The following CCDC85A variants were observed in gnomAD, a reference collection of about 807,000 sequenced individuals.
CCDC85A encodes coiled-coil domain containing 85A, also known as coiled-coil domain-containing protein 85A.
A neutral mutation model predicts 50.2 loss-of-function variants in CCDC85A; 38 were observed. That is an observed-to-expected ratio of 0.76 (90% CI 0.58 to 0.99). The LOEUF (loss-of-function observed/expected upper bound fraction) is 0.99. Among genes scored for constraint, CCDC85A ranks in the 50% least tolerant of loss-of-function variants. CCDC85A has a pLI of 0.00. For synonymous variants in CCDC85A, 366 were observed against 301.4 expected, an observed-to-expected ratio of 1.21 and a Z score of -2.22; for missense variants, 820 against 742.0, an observed-to-expected ratio of 1.11 and a Z score of -1.22.
chr2:56,272,879 A>G (rs1474389704), intron 2 of CCDC85A, among the ~76,000 whole-genome samples: 1 of 152,198 alleles, frequency 6.6e-6, no homozygotes, highest in African/African-American at 2.4e-5. Flanking sequence ...AGGCAGGCCA[A>G]TATTACAAGG....
At chr2:56,246,907 T>C (rs1462242036) in intron 2 of CCDC85A, among the ~76,000 whole-genome samples, 1 of 152,226 alleles carries the variant, frequency 6.6e-6, no homozygotes, top group African/African-American at 2.4e-5. Flanking sequence ...AAAATATATT[T>C]ATTTTGAGAA....
intron 2 of CCDC85A, among the ~76,000 whole-genome samples, chr2:56,210,179 T>A (rs1677126191): frequency 6.6e-6 from 1 of 152,110 alleles, no homozygotes; most frequent in South Asian, 2.1e-4. Flanking sequence ...TCTGCCTCCA[T>A]GTAATCTATG....
chr2:56,305,661 C>T (rs1672409972), intron 2 of CCDC85A, among the ~76,000 whole-genome samples: 2 of 152,228 alleles, frequency 1.3e-5, no homozygotes, highest in Non-Finnish European at 1.5e-5. Flanking sequence ...AGTTTCATTA[C>T]AGGCAGAATC....
At chr2:56,341,477 A>G (rs1674368313) in intron 2 of CCDC85A, among the ~76,000 whole-genome samples, 1 of 152,138 alleles carries the variant, frequency 6.6e-6, no homozygotes, top group Admixed American at 6.5e-5. Flanking sequence ...TGCTCTGGAG[A>G]AAGTCTATTG....
intron 2 of CCDC85A, among the ~76,000 whole-genome samples, chr2:56,194,858 G>GCCCCCA (rs1466873951): frequency 1.5e-4 from 22 of 151,298 alleles, no homozygotes; most frequent in Non-Finnish European, 2.7e-4. Flanking sequence ...TGGAGATGCT[G>GCCCCCA]CCCCCACCCC....
intron 2 of CCDC85A, among the ~76,000 whole-genome samples, chr2:56,300,166 C>T (rs1001460402): frequency 2.6e-5 from 4 of 151,526 alleles, no homozygotes; most frequent in African/African-American, 9.7e-5. Context: ...TATCAATGCA[C>T]CTTAGACACT....
intron 2 of CCDC85A, among the ~76,000 whole-genome samples, chr2:56,238,870 C>G (rs987948126): frequency 1.3e-5 from 2 of 152,044 alleles, no homozygotes; most frequent in African/African-American, 4.8e-5. Context: ...CATGTATAAC[C>G]TTAGTTATAT....
chr2:56,329,130 T>G (rs976450841), intron 2 of CCDC85A, among the ~76,000 whole-genome samples: 7 of 152,192 alleles, frequency 4.6e-5, no homozygotes, highest in Admixed American at 1.3e-4. Flanking sequence ...TCACTTCACT[T>G]TGAGCATTTC....
At chr2:56,246,177 G>C (rs12994087) in intron 2 of CCDC85A, among the ~76,000 whole-genome samples, 22,347 of 152,118 alleles carry the variant, frequency 0.15, 2,013 homozygotes, top group East Asian at 0.28. Flanking sequence ...ACCTGCCTCA[G>C]CCTCCCAAAG....
chr2:56,245,742 G>C (rs1010875408), intron 2 of CCDC85A, among the ~76,000 whole-genome samples: 7 of 152,232 alleles, frequency 4.6e-5, no homozygotes, highest in Non-Finnish European at 1.0e-4. Context: ...GGGTCTCTAA[G>C]AGGTGAGACC....
intron 2 of CCDC85A, among the ~76,000 whole-genome samples, chr2:56,229,734 G>GT (rs959110244): frequency 1.5e-4 from 23 of 152,128 alleles, no homozygotes; most frequent in East Asian, 3.9e-4. Flanking sequence ...ATGTCTAGAT[G>GT]TTTTTTTCTG....
At chr2:56,276,459 G>T (rs1398419070) in intron 2 of CCDC85A, among the ~76,000 whole-genome samples, 1 of 152,072 alleles carries the variant, frequency 6.6e-6, no homozygotes, top group Non-Finnish European at 1.5e-5. Flanking sequence ...CTGGTGGGAG[G>T]TGATTGAATT....
chr2:56,316,729 A>G (rs1264706010), intron 2 of CCDC85A, among the ~76,000 whole-genome samples: 1 of 152,098 alleles, frequency 6.6e-6, no homozygotes. Flanking sequence ...TTATTTTTGT[A>G]CAGACACATA....
intron 2 of CCDC85A, among the ~76,000 whole-genome samples, chr2:56,276,572 CT>C (rs1670956192): frequency 6.6e-6 from 1 of 152,146 alleles, no homozygotes; most frequent in Non-Finnish European, 1.5e-5. Context: ...CTCTCATTCT[CT>C]CTCTTGCCGC....
In CCDC85A at chr2:56,325,867, C is replaced by T. The variant is rs1413532820; in HGVS notation, c.1241-17012C>T. ...GGCTTGGTTGTTGACTGAAACTGGC[C>T]ATTTTCACTTTGGCTGACTCTTGTT... On this transcript the variant is annotated intron_variant, in intron 2 of 5. Transcript: ENST00000407595. 4.6e-5 allele frequency among the ~76,000 whole-genome samples: 7 copies of T among 152,218 alleles called. No homozygotes were observed. In the East Asian group the frequency reaches 1.4e-3, roughly 29 times the overall value.
At chr2:56,299,389 A>C (rs1045136963) in intron 2 of CCDC85A, among the ~76,000 whole-genome samples, 1 of 152,170 alleles carries the variant, frequency 6.6e-6, no homozygotes, top group Non-Finnish European at 1.5e-5. Flanking sequence ...TTCCTTGATT[A>C]GTCTTTTCTA....
intron 2 of CCDC85A, among the ~76,000 whole-genome samples, chr2:56,206,739 C>G (rs1168324014): frequency 6.6e-6 from 1 of 152,172 alleles, no homozygotes; most frequent in African/African-American, 2.4e-5. Context: ...GGAACACATT[C>G]AAACCACAGC....
chr2:56,184,534 G>GGGTGTGGGCGGAGGC lies in CCDC85A; in HGVS notation c.-88_-74dup. 1 of 1,303,280 alleles carries GGGTGTGGGCGGAGGC rather than the reference G, an allele frequency of 7.7e-7. No individual in the cohort carries two copies. Among genetic ancestry groups the GGGTGTGGGCGGAGGC allele is most frequent in the Non-Finnish European group, 9.8e-7 (1 of 1,020,766 alleles). The allele number at this position is 1,303,280 out of a possible 1,614,324, so 80.7% of individuals were successfully genotyped here. ...GCCGCTGACTCGCCGGAGCGCACAGGGGTGTGGGCGGAGGCGGCCTCGCCG... is the reference window on the plus strand; with the variant it reads ...GCCGCTGACTCGCCGGAGCGCACAGGGGTGTGGGCGGAGGCGGTGTGGGCGGAGGCGGCCTCGCCG... On this transcript the variant is annotated 5_prime_UTR_variant, in exon 1 of 6. Transcript: ENST00000407595.
Position 56,193,228 on chromosome 2 carries a change from C to G in CCDC85A, c.1028C>G (p.Ala343Gly). The G allele has an allele frequency of 6.2e-7, 1 of 1,612,776 alleles. No individual in the cohort carries two copies. The highest frequency in any genetic ancestry group is 8.5e-7 in the Non-Finnish European group (1 of 1,179,528). ...GGSPEHLQKH[A>G]LGGSLEHLPR... ...AGCCCGGAGCATCTTCAGAAACACG[C>G]TCTTGGGGGGAGCCTAGAGCATCTC... The change falls in exon 2 of 6, where the codon GCT becomes GGT. Residue 343 changes from alanine to glycine, a missense_variant. Coordinates refer to ENST00000407595, the MANE Select transcript of CCDC85A (RefSeq NM_001080433.2).
Sources: gnomAD v4.1 joint callset for allele counts (sites outside exome capture counted in the v4.1 genomes callset) on GRCh38, gnomAD v4.1.1 for gene constraint, MANE v1.5 for transcripts, NCBI Gene and HGNC (gene_info 2026-07-23, HGNC 2026-07-21) for gene names.